The following MORC1 variants were observed in gnomAD, a reference collection of about 807,000 sequenced individuals.
MORC1 encodes the protein MORC family CW-type zinc finger protein 1.
A neutral mutation model predicts 134.9 loss-of-function variants in MORC1; 59 were observed. That is an observed-to-expected ratio of 0.44 (90% CI 0.35 to 0.54). The LOEUF (loss-of-function observed/expected upper bound fraction) is 0.54, where lower values mean the gene tolerates loss of function less well. Among genes scored for constraint, MORC1 ranks in the 20% least tolerant of loss-of-function variants. The probability of loss-of-function intolerance (pLI) is 0.00; values close to 1 mark genes in which losing one functional copy is unlikely to be tolerated. For synonymous variants in MORC1, 395 were observed against 391.7 expected (o/e 1.01, Z -0.10); for missense variants, 947 against 1,134.5 (o/e 0.83, Z 2.37).
chr3:109,036,721 A>T (rs867524749), intron 14 of MORC1, among the ~76,000 whole-genome samples: 4 of 152,194 alleles, frequency 2.6e-5, no homozygotes, highest in African/African-American at 9.6e-5. Context: ...CTCAGCTTTC[A>T]AAAGGGTCTT....
chr3:108,988,373 C>T (rs189943366), intron 21 of MORC1, among the ~76,000 whole-genome samples: 53 of 152,150 alleles, frequency 3.5e-4, no homozygotes, highest in Non-Finnish European at 8.8e-5. Context: ...TAAATAAGTT[C>T]CTGCCCCAGG....
At chr3:109,013,991 T>C in intron 17 of MORC1, among the ~76,000 whole-genome samples, 1 of 152,194 alleles carries the variant, frequency 6.6e-6, no homozygotes, top group Non-Finnish European at 1.5e-5. Flanking sequence ...TCCCAGCCTC[T>C]AGAACTGTGA....
chr3:109,041,815 C>T lies in MORC1; in HGVS notation c.1331-6347G>A, dbSNP rs142445858. ...GAGCTGAGATCGTGCCATTGCACTC[C>T]AGCCTGGTGACAGACTAAGACTCTA... On this transcript the variant is annotated intron_variant, in intron 14 of 27. Coordinates refer to ENST00000232603, the MANE Select transcript of MORC1 (RefSeq NM_014429.4). Among the ~76,000 whole-genome samples the T allele has an allele frequency of 5.1e-3, 780 of 152,180 alleles. 18 individuals carry two copies. The highest frequency in any genetic ancestry group is 0.018 in the African/African-American group (749 of 41,522).
chr3:109,000,587 A>G lies in MORC1; in HGVS notation c.2157T>C (p.Asp719=). Residue 719 remains aspartate (D), a synonymous_variant, in exon 21 of 28, where the codon GAT becomes GAC. Coordinates refer to ENST00000232603, the MANE Select transcript of MORC1 (RefSeq NM_014429.4). ...TTATATCTGAATCACTCGTGTTCTC[A>G]TCTTCAGTCAATACCTTACATTCCT... The part of the protein sequence containing the change: ...FVEECKVLTE[D]ENTSDSDIIL... 1 of 1,610,918 alleles carries G rather than the reference A, an allele frequency of 6.2e-7. No individual in the cohort carries two copies. The highest frequency in any genetic ancestry group is 8.5e-7 in the Non-Finnish European group (1 of 1,178,674).
chr3:108,996,561 C>A (rs1339597403), intron 21 of MORC1, among the ~76,000 whole-genome samples: 1 of 152,102 alleles, frequency 6.6e-6, no homozygotes, highest in Non-Finnish European at 1.5e-5. Context: ...GTTTTTTAAT[C>A]TCCAGAAAAT....
intron 22 of MORC1, 73 bp from the exon 23 acceptor site, chr3:108,984,855 A>T (rs2593960): frequency 0.41 from 484,019 of 1,191,558 alleles, 102,290 homozygotes; most frequent in Middle Eastern, 0.56. Flanking sequence ...AAATGTTAGC[A>T]GTTCATTAAC....
chr3:109,031,275 C>T (rs1478561012), intron 16 of MORC1, among the ~76,000 whole-genome samples: 2 of 152,106 alleles, frequency 1.3e-5, no homozygotes, highest in African/African-American at 4.8e-5. Context: ...GCAGATTGTC[C>T]TAACTATGGG....
intron 14 of MORC1, among the ~76,000 whole-genome samples, chr3:109,037,398 G>A (rs1462377427): frequency 6.6e-6 from 1 of 152,132 alleles, no homozygotes; most frequent in African/African-American, 2.4e-5. Context: ...CTGGTATCTA[G>A]AAGGGTTGAT....
chr3:108,981,870 CA>C (rs1247573888), intron 23 of MORC1, among the ~76,000 whole-genome samples: 1 of 152,084 alleles, frequency 6.6e-6, no homozygotes, highest in Non-Finnish European at 1.5e-5. Context: ...ACTAAAACAC[CA>C]AAAGCAATGG....
chr3:109,077,918 A>C (rs1208918112), intron 8 of MORC1, among the ~76,000 whole-genome samples: 1 of 152,118 alleles, frequency 6.6e-6, no homozygotes, highest in Middle Eastern at 3.2e-3. Context: ...CAAAATACAC[A>C]GTAGGAAAAT....
At chr3:109,100,264 T>C (rs1177083352) in intron 5 of MORC1, among the ~76,000 whole-genome samples, 153 bp downstream of exon 5, 1 of 152,106 alleles carries the variant, frequency 6.6e-6, no homozygotes. Context: ...GTCAGTTTTG[T>C]ATATGGAGAT....
At chr3:109,020,069 C>T (rs982854419) in intron 17 of MORC1, among the ~76,000 whole-genome samples, 2 of 152,156 alleles carry the variant, frequency 1.3e-5, no homozygotes, top group Non-Finnish European at 2.9e-5. Flanking sequence ...TCTTCCATGG[C>T]GCTGTCCTAA....
At chr3:109,034,437 T>C (rs1358197397) in intron 15 of MORC1, among the ~76,000 whole-genome samples, 1 of 152,252 alleles carries the variant, frequency 6.6e-6, no homozygotes, top group Non-Finnish European at 1.5e-5. Context: ...AAGTGCTGAA[T>C]GTAATTATCC....
rs1049792968 is a variant in MORC1, at chr3:109,048,526, T to C, written c.1330+6202A>G. 2.6e-5 allele frequency among the ~76,000 whole-genome samples: 4 copies of C among 152,168 alleles called. No homozygotes were observed. In the South Asian group the frequency reaches 8.3e-4, roughly 32 times the overall value. On this transcript the variant is annotated intron_variant, in intron 14 of 27. Transcript: ENST00000232603. Reference sequence around the variant, plus strand: ...TTATAATATTCTCTTTAATTCTAATTTTGAAATCTCCCATATGTATTAGTT... The same window carrying C: ...TTATAATATTCTCTTTAATTCTAATCTTGAAATCTCCCATATGTATTAGTT...
intron 17 of MORC1, among the ~76,000 whole-genome samples, chr3:109,023,490 T>C (rs1402177614): frequency 6.6e-6 from 1 of 152,108 alleles, no homozygotes; most frequent in Non-Finnish European, 1.5e-5. Context: ...AAGGGGTAAA[T>C]ATAGGGTAGC....
At chr3:109,058,500 T>TA (rs1950011523) in intron 12 of MORC1, among the ~76,000 whole-genome samples, 1 of 152,032 alleles carries the variant, frequency 6.6e-6, no homozygotes, top group Admixed American at 6.6e-5. Context: ...CTATTATAAT[T>TA]GACATAATAT....
intron 3 of MORC1, among the ~76,000 whole-genome samples, chr3:109,107,449 T>C (rs552596835): frequency 2.0e-5 from 3 of 151,980 alleles, no homozygotes; most frequent in Non-Finnish European, 4.4e-5. Flanking sequence ...TTCTTAAGAG[T>C]GTAAACGCAG....
At chr3:109,042,545 GAAC>G (rs1335193292) in intron 14 of MORC1, among the ~76,000 whole-genome samples, 1 of 152,130 alleles carries the variant, frequency 6.6e-6, no homozygotes, top group Admixed American at 6.5e-5. Context: ...ATTAAAAATA[GAAC>G]TACTATATGA....
intron 6 of MORC1, 34 bp downstream of exon 6, chr3:109,099,324 G>T: frequency 1.4e-6 from 2 of 1,469,762 alleles, no homozygotes; most frequent in Non-Finnish European, 1.9e-6. Context: ...CAACATCATT[G>T]CTATGGGAAC....
Sources: gnomAD v4.1 joint callset for allele counts (sites outside exome capture counted in the v4.1 genomes callset) on GRCh38, gnomAD v4.1.1 for gene constraint, MANE v1.5 for transcripts, NCBI Gene and HGNC (gene_info 2026-07-23, HGNC 2026-07-21) for gene names.